Variants in PTPRT observed in about 807,000 individuals in gnomAD.
PTPRT encodes protein tyrosine phosphatase receptor type T, also known as receptor-type tyrosine-protein phosphatase T.
PTPRT carries 56 observed loss-of-function variants against 176.8 expected under a neutral mutation model. The observed-to-expected ratio is 0.32, with a 90% CI of 0.26 to 0.40. PTPRT has a LOEUF of 0.40. Among genes scored for constraint, PTPRT ranks in the 10% least tolerant of loss-of-function variants. The probability of loss-of-function intolerance (pLI) is 1.00; values close to 1 mark genes in which losing one functional copy is unlikely to be tolerated. For synonymous variants in PTPRT, 783 were observed against 739.0 expected, an observed-to-expected ratio of 1.06 and a Z score of -0.96; for missense variants, 1,540 against 1,908.2, an observed-to-expected ratio of 0.81 and a Z score of 3.60.
In PTPRT at chr20:42,408,685, A is replaced by G. The variant is rs2058984448; in HGVS notation, c.1560+39535T>C. Among the ~76,000 whole-genome samples the G allele has an allele frequency of 2.0e-5, 3 of 152,146 alleles. No individual in the cohort carries two copies. The South Asian group carries it at 6.2e-4, about 31-fold the overall frequency. On this transcript the variant is annotated intron_variant, in intron 9 of 30. Transcript: ENST00000373187. The stretch of plus-strand genomic sequence containing the variant: ...GAGAATTAAACCTGATAACAGACCA[A>G]TCCATCTTGCAATACAAAAATGAAA...
chr20:42,056,914 C>G, the PTPRT span, among the ~76,000 whole-genome samples: 992 of 152,300 alleles, frequency 6.5e-3, 6 homozygotes, highest in African/African-American at 0.023. Flanking sequence ...CCCTCCCCAT[C>G]CATTCTTGAC....
At chr20:42,918,597 A>G (rs934401405) in intron 1 of PTPRT, among the ~76,000 whole-genome samples, 20 of 151,000 alleles carry the variant, frequency 1.3e-4, no homozygotes, top group African/African-American at 4.9e-4. Flanking sequence ...CATTGCAACC[A>G]CCCCCCTTTT....
At chr20:42,900,644 A>G (rs1295062500) in intron 1 of PTPRT, among the ~76,000 whole-genome samples, 1 of 152,218 alleles carries the variant, frequency 6.6e-6, no homozygotes, top group Non-Finnish European at 1.5e-5. Context: ...CAGTTTCTTC[A>G]TCCATGAAAT....
At position 42,161,610 on chromosome 20, in the gene PTPRT, C is replaced by G. The variant is rs1037787933; in HGVS notation, c.2492-68G>C. ...CTTTGCCCTTTGTCCTCCCTGTCTC[C>G]CCCAGCTTGGCCTGAGGAGGGCAGA... is the stretch of plus-strand genomic sequence containing the variant. On this transcript the variant is annotated intron_variant, in intron 16 of 30. Coordinates refer to ENST00000373187, the MANE Select transcript of PTPRT (RefSeq NM_007050.6). 7.3e-6 allele frequency: 11 copies of G among 1,508,432 alleles called. No homozygotes were observed. In the Admixed American group the frequency reaches 8.7e-5, roughly 12 times the overall value. 93.4% of individuals were successfully genotyped at this position (1,508,432 alleles called of 1,614,324 possible).
intron 13 of PTPRT, among the ~76,000 whole-genome samples, chr20:42,263,323 G>C (rs1050592489): frequency 6.8e-6 from 1 of 146,634 alleles, no homozygotes; most frequent in Non-Finnish European, 1.5e-5. Flanking sequence ...GGGCTCAAGC[G>C]ATCTTCCCAC....
chr20:42,310,026 G>A (rs2057602947), intron 12 of PTPRT, among the ~76,000 whole-genome samples: 2 of 152,268 alleles, frequency 1.3e-5, no homozygotes, highest in South Asian at 4.1e-4. Context: ...ACTCAGGCCT[G>A]AAAAATGAGA....
intron 7 of PTPRT, among the ~76,000 whole-genome samples, chr20:42,585,384 A>G (rs2073454452): frequency 1.3e-5 from 2 of 152,214 alleles, no homozygotes; most frequent in Non-Finnish European, 2.9e-5. Context: ...CCATGCATAT[A>G]GAATATTTTA....
At chr20:42,942,404 C>CT (rs1364521970) in intron 1 of PTPRT, among the ~76,000 whole-genome samples, 32 of 152,224 alleles carry the variant, frequency 2.1e-4, no homozygotes, top group African/African-American at 7.7e-4. Context: ...GCTTAAATTT[C>CT]TTTTCCCTAT....
chr20:42,629,771 G>A (rs1193838159), intron 7 of PTPRT, among the ~76,000 whole-genome samples: 1 of 152,180 alleles, frequency 6.6e-6, no homozygotes, highest in African/African-American at 2.4e-5. Context: ...CCAGAACCAG[G>A]CAGTAGTAAT....
At chr20:42,998,560 C>A (rs571144859) in intron 1 of PTPRT, among the ~76,000 whole-genome samples, 4 of 152,110 alleles carry the variant, frequency 2.6e-5, no homozygotes, top group Non-Finnish European at 5.9e-5. Flanking sequence ...ATGTTGCCTC[C>A]TATATTGATT....
chr20:42,684,670 G>A (rs776059517), intron 6 of PTPRT, among the ~76,000 whole-genome samples: 26 of 152,164 alleles, frequency 1.7e-4, no homozygotes, highest in Non-Finnish European at 2.9e-4. Context: ...AGCACAGTGG[G>A]TTCCAGGCAA....
intron 16 of PTPRT, among the ~76,000 whole-genome samples, chr20:42,197,259 T>G (rs1991261245): frequency 6.6e-6 from 1 of 150,742 alleles, no homozygotes; most frequent in Admixed American, 6.6e-5. Context: ...GGCACCTGTA[T>G]TCCCAGCTAC....
chr20:42,624,241 C>T (rs186046045), intron 7 of PTPRT, among the ~76,000 whole-genome samples: 39 of 152,226 alleles, frequency 2.6e-4, no homozygotes, highest in South Asian at 6.2e-4. Context: ...ATTCTGTTGG[C>T]GCTGCCTGCA....
chr20:42,406,004 A>G (rs1423427859), intron 9 of PTPRT, among the ~76,000 whole-genome samples: 1 of 152,240 alleles, frequency 6.6e-6, no homozygotes, highest in Non-Finnish European at 1.5e-5. Context: ...CAGGAGATCC[A>G]AATGTAAATT....
intron 6 of PTPRT, among the ~76,000 whole-genome samples, chr20:42,755,817 T>C (rs1396451874): frequency 6.6e-6 from 1 of 152,092 alleles, no homozygotes; most frequent in East Asian, 1.9e-4. Flanking sequence ...TTTAACAAAA[T>C]AGGATAACTC....
chr20:43,094,391 C>CTTTTTTTTT (rs71335878), intron 1 of PTPRT, among the ~76,000 whole-genome samples: 23 of 64,656 alleles, frequency 3.6e-4, no homozygotes, highest in Non-Finnish European at 4.8e-4. Flanking sequence ...CGGCCTCTTT[C>CTTTTTTTTT]TTTTTTTTTT....
chr20:42,832,919 TA>T (rs1159346726), intron 2 of PTPRT, among the ~76,000 whole-genome samples: 1 of 148,228 alleles, frequency 6.7e-6, no homozygotes, highest in Non-Finnish European at 1.5e-5. Context: ...GCCTGGGCAA[TA>T]AAAAACTGTG....
At chr20:42,534,023 C>A (rs1279206769) in intron 7 of PTPRT, among the ~76,000 whole-genome samples, 3 of 152,172 alleles carry the variant, frequency 2.0e-5, no homozygotes, top group African/African-American at 7.2e-5. Context: ...TCCATGTGAA[C>A]ACTGAAGGAA....
At chr20:42,869,429 G>A (rs1240022516) in intron 2 of PTPRT, among the ~76,000 whole-genome samples, 1 of 152,230 alleles carries the variant, frequency 6.6e-6, no homozygotes, top group Non-Finnish European at 1.5e-5. Flanking sequence ...TAGAGTCAAA[G>A]AAGATCATTC....
Sources: allele counts gnomAD v4.1 joint callset (sites outside exome capture counted in the v4.1 genomes callset), GRCh38; gene constraint gnomAD v4.1.1; transcripts MANE v1.5; gene names NCBI Gene and HGNC (gene_info 2026-07-23, HGNC 2026-07-21).